The following KIAA1217 variants were observed in gnomAD, a reference collection of about 807,000 sequenced individuals.
KIAA1217 encodes the protein KIAA1217.
Under a neutral mutation model 163.9 loss-of-function variants are expected in KIAA1217, and 88 were observed. The observed-to-expected ratio is 0.54, with a 90% CI of 0.45 to 0.64. The LOEUF is 0.64. Ranked by LOEUF, KIAA1217 falls within the 30% of genes least tolerant of loss-of-function variation. The pLI is 0.00. For synonymous variants in KIAA1217, 903 were observed against 923.1 expected (o/e 0.98, Z 0.39); for missense variants, 2,372 against 2,475.0 (o/e 0.96, Z 0.88).
At chr10:23,911,769 G>A (rs1257766754) in intron 1 of KIAA1217, among the ~76,000 whole-genome samples, 1 of 152,126 alleles carries the variant, frequency 6.6e-6, no homozygotes, top group Non-Finnish European at 1.5e-5. Context: ...GATGGCCGAG[G>A]ACATGTGATG....
At chr10:24,239,495 CTT>C (rs34650424) in intron 2 of KIAA1217, among the ~76,000 whole-genome samples, 3,098 of 134,650 alleles carry the variant, frequency 0.023, 62 homozygotes, top group East Asian at 0.065. Flanking sequence ...TTTTTAAGGG[CTT>C]TTTTTTTTTT....
chr10:24,041,556 T>A (rs996824439), intron 2 of KIAA1217, among the ~76,000 whole-genome samples: 1 of 152,092 alleles, frequency 6.6e-6, no homozygotes, highest in Non-Finnish European at 1.5e-5. Flanking sequence ...ACACATCCCA[T>A]AACACATCAC....
chr10:24,409,994 TTTC>T (rs1273933252), intron 3 of KIAA1217, among the ~76,000 whole-genome samples: 1 of 138,674 alleles, frequency 7.2e-6, no homozygotes, highest in Non-Finnish European at 1.5e-5. Flanking sequence ...CTTTTTCTTT[TTTC>T]TTTTTTTTTT....
At chr10:23,934,610 TATATATATATATATA>T (rs1564545863) in intron 1 of KIAA1217, among the ~76,000 whole-genome samples, 4 of 81,274 alleles carry the variant, frequency 4.9e-5, no homozygotes, top group African/African-American at 4.6e-4. Context: ...TATATATGTA[TATATATATATATATA>T]TTTTTTTTTT....
intron 1 of KIAA1217, among the ~76,000 whole-genome samples, chr10:23,929,254 A>G (rs988557305): frequency 1.3e-5 from 2 of 152,210 alleles, no homozygotes; most frequent in African/African-American, 4.8e-5. Context: ...AACCACCACA[A>G]AGTCTGCATC....
At chr10:23,787,786 G>C (rs1261644572) in intron 1 of KIAA1217, among the ~76,000 whole-genome samples, 5 of 152,214 alleles carry the variant, frequency 3.3e-5, no homozygotes, top group African/African-American at 1.2e-4. Context: ...TCGTAAAAAT[G>C]TTAACCCACT....
At chr10:24,375,708 T>C (rs190622835) in intron 2 of KIAA1217, among the ~76,000 whole-genome samples, 9 of 152,340 alleles carry the variant, frequency 5.9e-5, no homozygotes, top group Admixed American at 5.2e-4. Flanking sequence ...GAAAACTTCA[T>C]TGTATTTTCA....
intron 1 of KIAA1217, among the ~76,000 whole-genome samples, chr10:23,911,370 G>A (rs141460592): frequency 1.3e-4 from 20 of 152,250 alleles, no homozygotes; most frequent in African/African-American, 4.6e-4. Context: ...ACCCCGTAGG[G>A]GCTTTGAATT....
At position 24,186,185 on chromosome 10, in the gene KIAA1217, G is replaced by T. The variant is rs566793954; in HGVS notation, c.-170-33441G>T. Reference sequence around the variant, plus strand: ...GTTCAGTCCTAAAAGCAGCCCTTTTGCCCTGACTTTTTCAATTTTCTGTTG... The same window carrying T: ...GTTCAGTCCTAAAAGCAGCCCTTTTTCCCTGACTTTTTCAATTTTCTGTTG... On this transcript the variant is annotated intron_variant, in intron 2 of 18. Coordinates refer to the KIAA1217 transcript ENST00000376462. 9.2e-5 allele frequency among the ~76,000 whole-genome samples: 14 copies of T among 151,972 alleles called. No homozygotes were observed. In the South Asian group the frequency reaches 2.9e-3, roughly 32 times the overall value.
intron 16 of KIAA1217, 73 bp from the exon 17 acceptor site, chr10:24,536,701 G>A: frequency 6.5e-7 from 1 of 1,531,500 alleles, no homozygotes; most frequent in Non-Finnish European, 8.9e-7. Flanking sequence ...GCGTCTGGTT[G>A]TTCCTGCCTG....
intron 5 of KIAA1217, among the ~76,000 whole-genome samples, chr10:24,454,280 C>CT (rs931511403): frequency 1.3e-5 from 2 of 152,212 alleles, no homozygotes; most frequent in Non-Finnish European, 2.9e-5. Flanking sequence ...TAGAGGACCT[C>CT]TTTCCATTGT....
chr10:24,058,171 C>A (rs562352355), intron 2 of KIAA1217, among the ~76,000 whole-genome samples: 2 of 152,252 alleles, frequency 1.3e-5, no homozygotes, highest in African/African-American at 4.8e-5. Context: ...CCATTGTGTA[C>A]CTTAGTACCT....
intron 1 of KIAA1217, among the ~76,000 whole-genome samples, chr10:23,795,541 C>A (rs750688387): frequency 1.3e-5 from 2 of 152,176 alleles, no homozygotes; most frequent in African/African-American, 2.4e-5. Flanking sequence ...AAGTTATAGG[C>A]AAAATCATAA....
At chr10:24,446,226 T>C (rs1240613888) in intron 5 of KIAA1217, among the ~76,000 whole-genome samples, 1 of 152,110 alleles carries the variant, frequency 6.6e-6, no homozygotes, top group Non-Finnish European at 1.5e-5. Context: ...GTTGATGGGG[T>C]TGTTTGTTTT....
intron 2 of KIAA1217, among the ~76,000 whole-genome samples, chr10:24,190,238 C>T (rs1308623232): frequency 6.6e-6 from 1 of 152,066 alleles, no homozygotes; most frequent in African/African-American, 2.4e-5. Context: ...TCCTTTATGG[C>T]TGGCTCTTAA....
At chr10:24,357,780 G>C in intron 2 of KIAA1217, among the ~76,000 whole-genome samples, 1 of 152,166 alleles carries the variant, frequency 6.6e-6, no homozygotes, top group East Asian at 1.9e-4. Flanking sequence ...AGGTGTGAGA[G>C]CGACCAAGAA....
intron 1 of KIAA1217, among the ~76,000 whole-genome samples, chr10:23,898,501 TAA>T (rs1286847952): frequency 1.3e-5 from 2 of 152,062 alleles, no homozygotes; most frequent in African/African-American, 4.8e-5. Flanking sequence ...AAAAATTACA[TAA>T]GTTTGAAGAT....
intron 17 of KIAA1217, among the ~76,000 whole-genome samples, chr10:24,537,491 C>T (rs2074203859): frequency 6.6e-6 from 1 of 151,562 alleles, no homozygotes; most frequent in African/African-American, 2.4e-5. Flanking sequence ...GCAGGAGGAT[C>T]GCTTGAACCC....
chr10:24,340,281 G>A (rs913026463), intron 2 of KIAA1217, among the ~76,000 whole-genome samples: 1 of 152,162 alleles, frequency 6.6e-6, no homozygotes, highest in Non-Finnish European at 1.5e-5. Context: ...GAAGAACCCG[G>A]TGTGAGATAA....
Sources: allele counts gnomAD v4.1 joint callset (sites outside exome capture counted in the v4.1 genomes callset), GRCh38; gene constraint gnomAD v4.1.1; transcripts MANE v1.5; gene names NCBI Gene and HGNC (gene_info 2026-07-23, HGNC 2026-07-21).